Variants in ZEB2 observed in about 807,000 individuals in gnomAD.
The protein encoded by ZEB2 is zinc finger E-box binding homeobox 2.
In ZEB2, 6 loss-of-function variants were observed where a neutral mutation model predicts 99.9. The observed-to-expected ratio is 0.06, with a 90% CI of 0.03 to 0.12. ZEB2 has a LOEUF of 0.12. Among genes scored for constraint, ZEB2 ranks in the 10% least tolerant of loss-of-function variants. The pLI is 1.00. For missense variants in ZEB2, 969 were observed against 1,502.8 expected (o/e 0.64, Z 5.87); for synonymous variants, 517 against 542.5 (o/e 0.95, Z 0.65).
chr2:144,449,232 G>T (rs998197472), intron 2 of ZEB2, among the ~76,000 whole-genome samples: 2 of 152,336 alleles, frequency 1.3e-5, no homozygotes, highest in South Asian at 4.1e-4. Flanking sequence ...GGGAGCAGGC[G>T]GGAGAGGAAG....
intron 4 of ZEB2, among the ~76,000 whole-genome samples, chr2:144,410,931 TGC>T (rs888173159): frequency 1.3e-5 from 2 of 151,112 alleles, no homozygotes; most frequent in Non-Finnish European, 3.0e-5. Context: ...GTTTATTGAG[TGC>T]CTACTAGTGC....
At chr2:144,456,238 A>C (rs1704120354) in intron 2 of ZEB2, among the ~76,000 whole-genome samples, 1 of 152,178 alleles carries the variant, frequency 6.6e-6, no homozygotes, top group African/African-American at 2.4e-5. Flanking sequence ...AAGTTATTTT[A>C]ACTGAGTTTA....
intron 4 of ZEB2, among the ~76,000 whole-genome samples, chr2:144,421,418 A>G (rs531380605): frequency 6.6e-6 from 1 of 152,324 alleles, no homozygotes; most frequent in East Asian, 1.9e-4. Flanking sequence ...ATCCAAAGAG[A>G]TGTCAGGGAG....
intron 2 of ZEB2, chr2:144,512,971 G>A (rs1166721297): frequency 1.6e-6 from 2 of 1,287,248 alleles, no homozygotes; most frequent in South Asian, 1.2e-5. Context: ...AAAGCTACTT[G>A]CCAAAGATTT....
At chr2:144,516,314 A>C (rs1705141996) in intron 2 of ZEB2, 1 of 135,652 alleles carries the variant, frequency 7.4e-6, no homozygotes, top group Admixed American at 8.0e-5. Context: ...TTTTATTCCC[A>C]CGATTTTGTT....
intron 2 of ZEB2, among the ~76,000 whole-genome samples, chr2:144,446,265 TG>T (rs1703982266): frequency 6.6e-6 from 1 of 152,136 alleles, no homozygotes; most frequent in Non-Finnish European, 1.5e-5. Flanking sequence ...ATAGGCCATA[TG>T]TTAGTAGTCA....
chr2:144,511,595 A>G (rs1446185258), intron 2 of ZEB2: 48 of 1,281,676 alleles, frequency 3.7e-5, no homozygotes, highest in Middle Eastern at 3.3e-4. Flanking sequence ...TTAAAAGTTT[A>G]CCCTCCCCAC....
chr2:144,485,767 C>T (rs958643387), intron 2 of ZEB2, among the ~76,000 whole-genome samples: 7 of 152,146 alleles, frequency 4.6e-5, no homozygotes, highest in South Asian at 2.1e-4. Flanking sequence ...TACAGGCACT[C>T]GCCACCACGC....
intron 2 of ZEB2, among the ~76,000 whole-genome samples, chr2:144,456,453 A>C (rs994348891): frequency 1.6e-4 from 24 of 152,124 alleles, no homozygotes; most frequent in African/African-American, 5.8e-4. Flanking sequence ...ATTTTCTTCA[A>C]GCAATGAGAA....
At chr2:144,484,938 C>T (rs1230660450) in intron 2 of ZEB2, among the ~76,000 whole-genome samples, 2 of 152,146 alleles carry the variant, frequency 1.3e-5, no homozygotes, top group African/African-American at 2.4e-5. Flanking sequence ...TAAAAACTCA[C>T]CACCCGGGCA....
intron 4 of ZEB2, among the ~76,000 whole-genome samples, chr2:144,408,734 A>G (rs2149881340): frequency 6.6e-6 from 1 of 152,278 alleles, no homozygotes; most frequent in African/African-American, 2.4e-5. Flanking sequence ...GCCAAGGCTT[A>G]TGGTACCCAA....
chr2:144,402,045 C>T (rs1173010337), intron 6 of ZEB2, among the ~76,000 whole-genome samples: 1 of 152,118 alleles, frequency 6.6e-6, no homozygotes, highest in South Asian at 2.1e-4. Flanking sequence ...GGAAAGACTT[C>T]AACGACTTTT....
chr2:144,404,773 G>A (rs1703360775), intron 5 of ZEB2, 63 bp downstream of exon 5: 1 of 1,569,214 alleles, frequency 6.4e-7, no homozygotes, highest in African/African-American at 1.4e-5. Flanking sequence ...GGCATGTAGT[G>A]CATTTGTAAT....
chr2:144,440,542 T>A (rs1465472868), intron 2 of ZEB2, among the ~76,000 whole-genome samples: 2 of 136,140 alleles, frequency 1.5e-5, no homozygotes, highest in East Asian at 2.1e-4. Context: ...TTTTTTTTTT[T>A]AACTAGTGGT....
rs185740759 is a variant in ZEB2, at chr2:144,509,534, G to A, written c.73+7744C>T. Among the ~76,000 whole-genome samples, 5 of 152,244 alleles carry A rather than the reference G, an allele frequency of 3.3e-5. No homozygotes were observed. The East Asian group carries it at 9.7e-4, about 29-fold the overall frequency. ...GTGAAATCTTCCACAAGGGTTATTG[G>A]AAAAGCCCCCGTTTCAAATCATTCA... On this transcript the variant is annotated intron_variant, in intron 2 of 9. Transcript: ENST00000627532.
intron 2 of ZEB2, among the ~76,000 whole-genome samples, chr2:144,501,057 C>T (rs555372838): frequency 1.3e-4 from 19 of 149,516 alleles, no homozygotes; most frequent in Non-Finnish European, 2.2e-4. Context: ...CTGTTCCTCA[C>T]TCAGCTAGAA....
At chr2:144,479,964 A>T (rs1232145480) in intron 2 of ZEB2, among the ~76,000 whole-genome samples, 1 of 152,136 alleles carries the variant, frequency 6.6e-6, no homozygotes, top group Non-Finnish European at 1.5e-5. Context: ...AGACACAATC[A>T]TCCTCTTGAT....
At position 144,512,160 on chromosome 2, in the gene ZEB2, T is replaced by C. The variant is rs1047062065; in HGVS notation, c.73+5118A>G. 2.3e-6 allele frequency: 3 copies of C among 1,287,004 alleles called. No individual in the cohort carries two copies. In the African/African-American group the frequency reaches 4.6e-5, roughly 20 times the overall value. 79.7% of individuals were successfully genotyped at this position (1,287,004 alleles called of 1,614,324 possible). A position where few individuals can be genotyped will look rare whatever the true frequency, so the allele number is the denominator to read the frequency against. On this transcript the variant is annotated intron_variant, in intron 2 of 9. Coordinates refer to ENST00000627532, the MANE Select transcript of ZEB2 (RefSeq NM_014795.4). ...AAACACATTAGGGCAGACAATCAAT[T>C]GTCTGTGAGCATTGCAAACCTGCAC...
intron 9 of ZEB2, 70 bp from the exon 10 acceptor site, chr2:144,390,098 C>T (rs1049022137): frequency 9.9e-6 from 15 of 1,518,982 alleles, no homozygotes; most frequent in Admixed American, 3.5e-5. Flanking sequence ...TAATTCTGTA[C>T]GCGAGTCCAG....
Sources: allele counts gnomAD v4.1 joint callset (sites outside exome capture counted in the v4.1 genomes callset), GRCh38; gene constraint gnomAD v4.1.1; transcripts MANE v1.5; gene names NCBI Gene and HGNC (gene_info 2026-07-23, HGNC 2026-07-21).